The following BAHCC1 variants were observed in gnomAD, a reference collection of about 807,000 sequenced individuals.
BAHCC1 encodes BAH domain and coiled-coil containing 1, also known as BAH and coiled-coil domain-containing protein 1.
Under a neutral mutation model 88.2 loss-of-function variants are expected in BAHCC1, and 43 were observed. The ratio of observed to expected loss-of-function variants is 0.49; its 90% CI spans 0.38 to 0.63. The LOEUF is 0.63. Ranked by LOEUF, BAHCC1 falls within the 20% of genes least tolerant of loss-of-function variation. The pLI, the probability that BAHCC1 is intolerant of heterozygous loss-of-function variation, is 0.00. For synonymous variants in BAHCC1, 1,510 were observed against 745.5 expected (o/e 2.03, Z -16.71); for missense variants, 3,023 against 1,654.8 (o/e 1.83, Z -14.34).
Position 81,461,863 on chromosome 17 carries a change from C to T in BAHCC1, c.7200C>T (p.Thr2400=), listed in dbSNP as rs565860405. 120 of 722,294 alleles carry T rather than the reference C, an allele frequency of 1.7e-4. 2 individuals are homozygous for T. Among genetic ancestry groups the T allele is most frequent in the South Asian group, 7.2e-4 (49 of 67,962 alleles). 44.7% of individuals were successfully genotyped at this position (722,294 alleles called of 1,614,324 possible). ...TGTCCAGGGCCACGGTGGCTGGCAC[C>T]GGTGCGGGCTCAGGCCCCAGCAGCA... The part of the protein sequence containing the change: ...CFLSRATVAG[T]GAGSGPSSSS... Residue 2400 remains threonine (T), a synonymous_variant, in exon 26 of 28, where the codon ACC becomes ACT. Coordinates refer to ENST00000675386, the MANE Select transcript of BAHCC1 (RefSeq NM_001377448.1).
chr17:81,451,235 C>G (rs58127114), intron 11 of BAHCC1: 1 of 172,262 alleles, frequency 5.8e-6, no homozygotes, highest in African/African-American at 2.4e-5. Context: ...CTTCCGTGCA[C>G]GAGGCCTCAG....
At chr17:81,458,598 C>T in intron 18 of BAHCC1, 23 bp from the exon 19 acceptor site, 1 of 710,252 alleles carries the variant, frequency 1.4e-6, no homozygotes, top group South Asian at 1.5e-5. Context: ...GACTCAGCCC[C>T]TTCTCTGCCT....
intron 23 of BAHCC1, among the ~76,000 whole-genome samples, chr17:81,459,951 A>G (rs1393221179): frequency 2.0e-5 from 3 of 152,118 alleles, no homozygotes; most frequent in East Asian, 1.9e-4. Flanking sequence ...GAAAGGCTCA[A>G]GGGTCCCACA....
chr17:81,403,865 C>T (rs1349899525), intron 2 of BAHCC1, among the ~76,000 whole-genome samples: 2 of 152,234 alleles, frequency 1.3e-5, no homozygotes, highest in African/African-American at 2.4e-5. Context: ...CCCGCCCCGC[C>T]GAAGCCCTGT....
At chr17:81,425,418 TGG>T (rs1198994166) in intron 2 of BAHCC1, among the ~76,000 whole-genome samples, 225 of 16,012 alleles carry the variant, frequency 0.014, no homozygotes, top group African/African-American at 0.034. Flanking sequence ...ATGTGGTTGG[TGG>T]GTGATGTGGT....
In BAHCC1 at chr17:81,435,107, A is replaced by G. The variant is rs551476709; in HGVS notation, c.359-3263A>G. ...CAGCCCTGCCCCAGGGGCACCCCCG[A>G]CCCCCACTGACTGCCCACTCTCTCT... On this transcript the variant is annotated intron_variant, in intron 3 of 27. Transcript: ENST00000675386. This position sits in a 1 kb window ranked among gnomAD's most constrained non-coding sequence, Gnocchi z 4.4. Among the ~76,000 whole-genome samples, 1 of 149,670 alleles carries G rather than the reference A, an allele frequency of 6.7e-6. No individual in the cohort carries two copies. Among genetic ancestry groups the G allele is most frequent in the Admixed American group, 6.6e-5 (1 of 15,110 alleles).
In BAHCC1 at chr17:81,444,560, A is replaced by T; in HGVS notation, c.2504A>T (p.His835Leu). 2 of 714,448 alleles carry T rather than the reference A, an allele frequency of 2.8e-6. No homozygotes were observed. Among genetic ancestry groups the T allele is most frequent in the South Asian group, 1.5e-5 (1 of 66,922 alleles). The allele number at this position is 714,448 out of a possible 1,614,324, so 44.3% of individuals were successfully genotyped here. A position where few individuals can be genotyped will look rare whatever the true frequency, so the allele number is the denominator to read the frequency against. ...TRSPSLWMGG[H>L]SYGLGHPALH... Reference sequence around the variant, plus strand: ...AGCCCCTCCCTGTGGATGGGGGGGCACTCCTACGGTCAGTGATCCAAGGGC... The same window carrying T: ...AGCCCCTCCCTGTGGATGGGGGGGCTCTCCTACGGTCAGTGATCCAAGGGC... Residue 835 changes from histidine (H) to leucine (L), a missense_variant, in exon 7 of 28, where the codon CAC (histidine) becomes CTC (leucine). By Grantham distance (99) the His-to-Leu change is moderately conservative (BLOSUM62 -3). Transcript: ENST00000675386.
chr17:81,398,799 C>G (rs1376019512), intron 1 of BAHCC1, among the ~76,000 whole-genome samples: 2 of 151,990 alleles, frequency 1.3e-5, no homozygotes, highest in African/African-American at 2.4e-5. Flanking sequence ...GAGGAGCCGG[C>G]CTGGGGTCCT....
intron 2 of BAHCC1, among the ~76,000 whole-genome samples, chr17:81,425,878 TTGG>T (rs1199110215): frequency 6.8e-6 from 1 of 146,166 alleles, no homozygotes; most frequent in Non-Finnish European, 1.5e-5. Context: ...GGTGATGTGG[TTGG>T]TGGTGATGTG....
chr17:81,426,828 G>A lies in BAHCC1; in HGVS notation c.207G>A (p.Pro69=), dbSNP rs947764460. The A allele has an allele frequency of 1.0e-5, 4 of 399,040 alleles. No individual in the cohort carries two copies. The highest frequency in any genetic ancestry group is 1.3e-4 in the South Asian group (1 of 7,890). The allele number at this position is 399,040 out of a possible 1,614,324, so 24.7% of individuals were successfully genotyped here. A position where few individuals can be genotyped will look rare whatever the true frequency, so the allele number is the denominator to read the frequency against. ...GCAGCCGCCTGATGGGAAGTTCTCCGGCCTCCTCGTTCATGGGCAGTTTCC... is the reference window on the plus strand; with the variant it reads ...GCAGCCGCCTGATGGGAAGTTCTCCAGCCTCCTCGTTCATGGGCAGTTTCC... ...TASSRLMGSS[P]ASSFMGSFLT... The change falls in exon 3 of 28, where the codon CCG becomes CCA. Residue 69 remains proline, a synonymous_variant. Transcript: ENST00000675386.
chr17:81,450,598 G>GGCTGGAGCGT (rs1260634553), intron 11 of BAHCC1, among the ~76,000 whole-genome samples: 1 of 152,228 alleles, frequency 6.6e-6, no homozygotes, highest in African/African-American at 2.4e-5. Context: ...CCTGCCCCAG[G>GGCTGGAGCGT]GCTGGAGCGT....
rs1248610198 is a variant in BAHCC1 at position 81,399,437 on chromosome 17, TG to T, written c.-206-91del. ...CGCCGCTCGCTCGGGCCGGCGGGGG[TG>T]GGGGGTGGGGGGAGTGGGTGAGCGG... On this transcript the variant is annotated intron_variant, in intron 1 of 27. Transcript: ENST00000675386. This position sits in a 1 kb window ranked among gnomAD's most constrained non-coding sequence, Gnocchi z 4.5. 11 of 9,628 alleles carry T rather than the reference TG, an allele frequency of 1.1e-3. No individual in the cohort carries two copies. The highest frequency in any genetic ancestry group is 2.2e-3 in the Non-Finnish European group (10 of 4,504). 0.6% of individuals were successfully genotyped at this position (9,628 alleles called of 1,614,324 possible).
intron 3 of BAHCC1, among the ~76,000 whole-genome samples, chr17:81,428,038 A>G (rs1368977478): frequency 1.3e-5 from 2 of 152,306 alleles, no homozygotes; most frequent in East Asian, 3.9e-4. Flanking sequence ...CAGGGCGCAC[A>G]TGTTGGGCAG....
At chr17:81,452,130 GCCTGGGAGGGTCGCAGCACCCCCACC>G (rs1555656020) in intron 13 of BAHCC1, 23 bp downstream of exon 13, 2 of 577,626 alleles carry the variant, frequency 3.5e-6, no homozygotes, top group African/African-American at 4.2e-5. Flanking sequence ...TGGCGGGGGG[GCCTGGGAGGGTCGCAGCACCCCCACC>G]CCCGGGAGGC....
At chr17:81,400,021 C>T (rs1184332467) in intron 2 of BAHCC1, 104 bp downstream of exon 2, 6 of 1,019,702 alleles carry the variant, frequency 5.9e-6, no homozygotes, top group Non-Finnish European at 6.2e-6. Flanking sequence ...TTTCATTTCC[C>T]GGCCCCGGCC....
At chr17:81,408,018 G>T (rs2063902475) in intron 2 of BAHCC1, among the ~76,000 whole-genome samples, 2 of 152,296 alleles carry the variant, frequency 1.3e-5, no homozygotes, top group Non-Finnish European at 2.9e-5. Flanking sequence ...CTGCAGGAGG[G>T]AGCAGAGCCC....
chr17:81,458,021 GGA>G, intron 17 of BAHCC1, 142 bp from the exon 18 acceptor site: 1 of 613,440 alleles, frequency 1.6e-6, no homozygotes, highest in Non-Finnish European at 2.9e-6. Flanking sequence ...TGGGTAACCA[GGA>G]GGGGGAGGGC....
At chr17:81,453,595 C>CG (rs2064687895) in intron 14 of BAHCC1, among the ~76,000 whole-genome samples, 1 of 151,970 alleles carries the variant, frequency 6.6e-6, no homozygotes, top group Non-Finnish European at 1.5e-5. Flanking sequence ...ATGGCTGCCC[C>CG]CCCCCAGAGC....
intron 10 of BAHCC1, 37 bp downstream of exon 10, chr17:81,445,718 G>A (rs553179224): frequency 5.5e-5 from 39 of 709,204 alleles, no homozygotes; most frequent in South Asian, 3.8e-4. Context: ...ACTGTGCTCC[G>A]CTCCAAGCCC....
Sources: allele counts gnomAD v4.1 joint callset (sites outside exome capture counted in the v4.1 genomes callset), GRCh38; gene constraint gnomAD v4.1.1; non-coding constraint Gnocchi (gnomAD v3.1); transcripts MANE v1.5; gene names NCBI Gene and HGNC (gene_info 2026-07-23, HGNC 2026-07-21).